The following SLC25A13 variants were observed in gnomAD, a reference collection of about 807,000 sequenced individuals.
The protein encoded by SLC25A13 is electrogenic aspartate/glutamate antiporter SLC25A13, mitochondrial.
In SLC25A13, 70 loss-of-function variants were observed where a neutral mutation model predicts 85.5. The observed-to-expected ratio is 0.82, with a 90% CI of 0.68 to 1.00. SLC25A13 has a LOEUF of 1.00. Ranked by LOEUF, SLC25A13 falls within the 50% of genes least tolerant of loss-of-function variation. The pLI is 0.00. For missense variants in SLC25A13, 765 were observed against 819.8 expected (o/e 0.93, Z 0.82); for synonymous variants, 259 against 288.7 (o/e 0.90, Z 1.04).
chr7:96,124,700 A>C (rs946123935), intron 15 of SLC25A13, among the ~76,000 whole-genome samples: 1 of 152,070 alleles, frequency 6.6e-6, no homozygotes, highest in Admixed American at 6.5e-5. Context: ...ACTCATCTTA[A>C]AGTGTTTGTT....
At chr7:96,251,183 G>A (rs558827562) in intron 3 of SLC25A13, among the ~76,000 whole-genome samples, 100 of 152,244 alleles carry the variant, frequency 6.6e-4, no homozygotes, top group African/African-American at 2.2e-3. Flanking sequence ...CTCTAGGTGG[G>A]ACCAAGCACG....
chr7:96,202,260 A>G (rs1795286045), intron 5 of SLC25A13, among the ~76,000 whole-genome samples: 1 of 152,206 alleles, frequency 6.6e-6, no homozygotes, highest in African/African-American at 2.4e-5. Flanking sequence ...CACAGCTTTG[A>G]TCCCCAGGTT....
chr7:96,279,574 A>G (rs1798590386), intron 2 of SLC25A13, among the ~76,000 whole-genome samples: 1 of 152,166 alleles, frequency 6.6e-6, no homozygotes, highest in Admixed American at 6.5e-5. Context: ...CTACGAGAAC[A>G]GTATGAGGGA....
chr7:96,182,500 A>G (rs1008951582), intron 11 of SLC25A13, among the ~76,000 whole-genome samples: 7 of 152,214 alleles, frequency 4.6e-5, no homozygotes, highest in African/African-American at 1.7e-4. Context: ...TTGGGTGTTT[A>G]CAGTGAGCCT....
chr7:96,211,691 G>A (rs998977261), intron 4 of SLC25A13, among the ~76,000 whole-genome samples: 1 of 152,136 alleles, frequency 6.6e-6, no homozygotes, highest in Non-Finnish European at 1.5e-5. Flanking sequence ...AGCCAGAAAA[G>A]GTTTACAACA....
intron 3 of SLC25A13, among the ~76,000 whole-genome samples, chr7:96,244,744 T>A (rs1797121175): frequency 6.6e-6 from 1 of 152,186 alleles, no homozygotes; most frequent in Non-Finnish European, 1.5e-5. Flanking sequence ...TGTACTCTGG[T>A]TCAAATCTCG....
intron 4 of SLC25A13, among the ~76,000 whole-genome samples, chr7:96,230,495 G>A (rs1356276294): frequency 6.6e-6 from 1 of 152,138 alleles, no homozygotes; most frequent in Non-Finnish European, 1.5e-5. Flanking sequence ...AAAAATCACT[G>A]TCACATACAA....
At chr7:96,189,719 G>A (rs766004493) in intron 7 of SLC25A13, 45 bp from the exon 8 acceptor site, 1 of 1,509,880 alleles carries the variant, frequency 6.6e-7, no homozygotes, top group South Asian at 1.1e-5. Flanking sequence ...AGAAGAAATA[G>A]CCACTAAATT....
chr7:96,164,727 C>T (rs1353670109), intron 13 of SLC25A13, among the ~76,000 whole-genome samples: 1 of 151,926 alleles, frequency 6.6e-6, no homozygotes, highest in Non-Finnish European at 1.5e-5. Flanking sequence ...CACACACACA[C>T]ACACACACAC....
chr7:96,131,749 T>C lies in SLC25A13; in HGVS notation c.1585A>G (p.Ile529Val), dbSNP rs772104865. 2.5e-6 allele frequency: 4 copies of C among 1,614,102 alleles called. No individual in the cohort carries two copies. The highest frequency in any genetic ancestry group is 1.1e-5 in the South Asian group (1 of 91,074). ...CTCCATGGGGGACACTCACCAGCTA[T>C]GGCACCAGCTAAGAGCAGGCTTCCT... ...SPGSLLLAGA[I>V]AGMPAASLVT... The change falls in exon 15 of 18, where the codon ATA becomes GTA. Residue 529 changes from isoleucine to valine, a missense_variant. Transcript: ENST00000265631.
intron 7 of SLC25A13, among the ~76,000 whole-genome samples, chr7:96,190,370 C>T (rs2116652693): frequency 6.6e-6 from 1 of 151,852 alleles, no homozygotes; most frequent in African/African-American, 2.4e-5. Context: ...GGATTACAGG[C>T]ATGAGCCACC....
chr7:96,241,993 G>C (rs573414968), intron 3 of SLC25A13, among the ~76,000 whole-genome samples: 195 of 152,272 alleles, frequency 1.3e-3, no homozygotes, highest in Non-Finnish European at 2.4e-3. Flanking sequence ...GAAAGTTTAA[G>C]CAACAGCACA....
At chr7:96,299,190 G>GC (rs1799460287) in intron 1 of SLC25A13, among the ~76,000 whole-genome samples, 1 of 152,114 alleles carries the variant, frequency 6.6e-6, no homozygotes, top group African/African-American at 2.4e-5. Flanking sequence ...AACCTCCCCT[G>GC]CCCTCAATTT....
chr7:96,273,338 A>C (rs188868471), intron 3 of SLC25A13, among the ~76,000 whole-genome samples: 1 of 152,254 alleles, frequency 6.6e-6, no homozygotes, highest in Non-Finnish European at 1.5e-5. Flanking sequence ...GAAAGAAACA[A>C]GAATAGGCAA....
intron 1 of SLC25A13, among the ~76,000 whole-genome samples, chr7:96,310,826 A>T (rs1486956740): frequency 6.6e-6 from 1 of 152,150 alleles, no homozygotes; most frequent in East Asian, 1.9e-4. Context: ...GGATTTTTTT[A>T]ATTCCATGTG....
chr7:96,255,391 T>C (rs1448708058), intron 3 of SLC25A13, among the ~76,000 whole-genome samples: 4 of 152,216 alleles, frequency 2.6e-5, no homozygotes, highest in South Asian at 2.1e-4. Context: ...CTCTAATGAA[T>C]TGAAAAGGCA....
intron 4 of SLC25A13, among the ~76,000 whole-genome samples, chr7:96,218,440 A>C (rs576348305): frequency 6.6e-6 from 1 of 152,308 alleles, no homozygotes; most frequent in South Asian, 2.1e-4. Context: ...AAGTGGTTAG[A>C]CTGAATTTGT....
chr7:96,158,750 C>A (rs1793384090), intron 13 of SLC25A13, among the ~76,000 whole-genome samples: 1 of 152,076 alleles, frequency 6.6e-6, no homozygotes, highest in Non-Finnish European at 1.5e-5. Flanking sequence ...TAACTACAAA[C>A]AAGATATATA....
At chr7:96,311,387 T>C (rs1056660136) in intron 1 of SLC25A13, among the ~76,000 whole-genome samples, 2 of 152,236 alleles carry the variant, frequency 1.3e-5, no homozygotes, top group East Asian at 3.9e-4. Flanking sequence ...AGACTCTAAC[T>C]TGATCAAGCT....
Sources: gnomAD v4.1 joint callset for allele counts (sites outside exome capture counted in the v4.1 genomes callset) on GRCh38, gnomAD v4.1.1 for gene constraint, MANE v1.5 for transcripts, NCBI Gene and HGNC (gene_info 2026-07-23, HGNC 2026-07-21) for gene names.